BCL2L1: variants seen among roughly 807,000 people sequenced by gnomAD.
The protein encoded by BCL2L1 is BCL2 like 1, also known as bcl-2-like protein 1.
Under a neutral mutation model 18.7 loss-of-function variants are expected in BCL2L1, and 1 was observed. The ratio of observed to expected loss-of-function variants is 0.05; its 90% CI spans 0.02 to 0.25. The LOEUF is 0.25. Among genes scored for constraint, BCL2L1 ranks in the 10% least tolerant of loss-of-function variants. The pLI is 1.00. For synonymous variants in BCL2L1, 103 were observed against 122.7 expected, an observed-to-expected ratio of 0.84 and a Z score of 1.06; for missense variants, 207 against 304.9, an observed-to-expected ratio of 0.68 and a Z score of 2.39.
At chr20:31,715,071 G>A (rs542569819) in intron 2 of BCL2L1, among the ~76,000 whole-genome samples, 1 of 152,084 alleles carries the variant, frequency 6.6e-6, no homozygotes, top group South Asian at 2.1e-4. Flanking sequence ...TCAGGAGATC[G>A]AGACCATCCT....
intron 2 of BCL2L1, among the ~76,000 whole-genome samples, chr20:31,683,267 C>G (rs915561152): frequency 6.6e-6 from 1 of 152,230 alleles, no homozygotes; most frequent in Non-Finnish European, 1.5e-5. Context: ...CATTCCCACC[C>G]TTTGGCCTCT....
chr20:31,682,701 C>T (rs1218458334), intron 2 of BCL2L1, among the ~76,000 whole-genome samples: 2 of 152,138 alleles, frequency 1.3e-5, no homozygotes, highest in Non-Finnish European at 2.9e-5. Flanking sequence ...GCTATTCTCT[C>T]GCCTTGGCCC....
intron 2 of BCL2L1, among the ~76,000 whole-genome samples, chr20:31,668,550 G>A (rs932678512): frequency 2.1e-4 from 31 of 149,048 alleles, no homozygotes; most frequent in African/African-American, 3.5e-4. Context: ...CAAGTGATCC[G>A]CCCACGGCCT....
chr20:31,668,041 CTT>C (rs1600743450), intron 2 of BCL2L1, among the ~76,000 whole-genome samples: 1 of 152,120 alleles, frequency 6.6e-6, no homozygotes, highest in Admixed American at 6.6e-5. Flanking sequence ...GGCTCCAACA[CTT>C]TCTGGCCTCC....
At chr20:31,678,445 G>A (rs767809263) in intron 2 of BCL2L1, among the ~76,000 whole-genome samples, 3 of 152,158 alleles carry the variant, frequency 2.0e-5, no homozygotes, top group Admixed American at 2.0e-4. Context: ...AAAGGGCTCC[G>A]TCTAGGGCTA....
At chr20:31,694,972 C>T (rs2061143563) in intron 2 of BCL2L1, among the ~76,000 whole-genome samples, 1 of 152,160 alleles carries the variant, frequency 6.6e-6, no homozygotes, top group African/African-American at 2.4e-5. Context: ...CTCCACAGCC[C>T]TAGCAGGAAA....
intron 2 of BCL2L1, among the ~76,000 whole-genome samples, chr20:31,685,017 C>T (rs2060930420): frequency 6.6e-6 from 1 of 152,144 alleles, no homozygotes; most frequent in Non-Finnish European, 1.5e-5. Flanking sequence ...GGGGACCTCC[C>T]TAGATTTTAG....
intron 2 of BCL2L1, among the ~76,000 whole-genome samples, chr20:31,713,930 C>T (rs778058055): frequency 1.3e-5 from 2 of 152,228 alleles, no homozygotes; most frequent in Non-Finnish European, 2.9e-5. Context: ...CCTGATTTCT[C>T]TCCTTTGAAA....
At chr20:31,668,864 CA>C (rs2060626432) in intron 2 of BCL2L1, among the ~76,000 whole-genome samples, 1 of 151,590 alleles carries the variant, frequency 6.6e-6, no homozygotes, top group African/African-American at 2.4e-5. Flanking sequence ...CTCGGCCTCC[CA>C]AAGTGCTGGG....
chr20:31,688,722 TATTC>T (rs2061004492), intron 2 of BCL2L1, among the ~76,000 whole-genome samples: 1 of 152,190 alleles, frequency 6.6e-6, no homozygotes, highest in East Asian at 1.9e-4. Context: ...TATACAGGGC[TATTC>T]ATTGAGTGTC....
rs3073682 is a variant in BCL2L1 at position 31,667,484 on chromosome 20, C to CGTGTGTGT, written c.565-1406_565-1399dup. 9.3e-3 allele frequency among the ~76,000 whole-genome samples: 1,253 copies of CGTGTGTGT among 135,324 alleles called. 26 individuals carry two copies. The highest frequency in any genetic ancestry group is 0.036 in the African/African-American group (1,191 of 32,716). The allele number at this position is 135,324 out of a possible 152,430, so 88.8% of individuals were successfully genotyped here. A position where few individuals can be genotyped will look rare whatever the true frequency, so the allele number is the denominator to read the frequency against. ...AAAAAAAAAGGAAGTACCATAGTAC[C>CGTGTGTGT]GTGTGTGTGTGTGTGTGTGTGTGTG... On this transcript the variant is annotated intron_variant, in intron 2 of 2. Coordinates refer to ENST00000307677, the MANE Select transcript of BCL2L1 (RefSeq NM_138578.3).
At chr20:31,698,309 C>A (rs2061216584) in intron 2 of BCL2L1, among the ~76,000 whole-genome samples, 1 of 152,182 alleles carries the variant, frequency 6.6e-6, no homozygotes, top group African/African-American at 2.4e-5. Context: ...GAGATGTGTT[C>A]ATAGCTCACT....
intron 2 of BCL2L1, among the ~76,000 whole-genome samples, chr20:31,674,508 G>A (rs1389818916): frequency 6.6e-6 from 1 of 152,124 alleles, no homozygotes; most frequent in Admixed American, 6.6e-5. Flanking sequence ...TACTTCTGTG[G>A]CTGAGGAAGG....
intron 2 of BCL2L1, among the ~76,000 whole-genome samples, chr20:31,673,068 C>CTTTTTT (rs906594378): frequency 1.7e-5 from 2 of 118,266 alleles, no homozygotes; most frequent in Admixed American, 8.8e-5. Flanking sequence ...GGTGTCCTTG[C>CTTTTTT]TTTTTTTTTT....
Position 31,698,023 on chromosome 20 carries a change from G to C in BCL2L1, c.564+23632C>G, listed in dbSNP as rs142923026. Among the ~76,000 whole-genome samples the C allele has an allele frequency of 4.5e-4, 68 of 151,860 alleles. 1 individual carries two copies. Among genetic ancestry groups the C allele is most frequent in the Admixed American group, 5.2e-4 (8 of 15,246 alleles). On this transcript the variant is annotated intron_variant, in intron 2 of 2. Coordinates refer to ENST00000307677, the MANE Select transcript of BCL2L1 (RefSeq NM_138578.3). ...CTGCCTCAGCCTCCTGAGTAACTGG[G>C]ATGATAGGCACACGCCATCATGCCT...
chr20:31,665,895 A>G lies in BCL2L1; in HGVS notation c.*54T>C. The G allele has an allele frequency of 6.3e-7, 1 of 1,594,146 alleles. No homozygotes were observed. Among genetic ancestry groups the G allele is most frequent in the Non-Finnish European group, 8.6e-7 (1 of 1,168,320 alleles). On this transcript the variant is annotated 3_prime_UTR_variant, in exon 3 of 3. Coordinates refer to ENST00000307677, the MANE Select transcript of BCL2L1 (RefSeq NM_138578.3). ...GGTGGCAATGGCGGCTGGACGGAGG[A>G]TGTGGTGGAGCAGAGAAGGGGGTGG... is the stretch of plus-strand genomic sequence containing the variant.
At position 31,696,344 on chromosome 20, in the gene BCL2L1, G is replaced by A. The variant is rs17338790; in HGVS notation, c.564+25311C>T. ...ATGACCTTTGGTACCCCATGGCAGC[G>A]GTCAACGTCCTTCCCTATTATGAAA... On this transcript the variant is annotated intron_variant, in intron 2 of 2. Coordinates refer to ENST00000307677, the MANE Select transcript of BCL2L1 (RefSeq NM_138578.3). 8.0e-3 allele frequency among the ~76,000 whole-genome samples: 1,225 copies of A among 152,244 alleles called. 12 individuals are homozygous for A. Among genetic ancestry groups the A allele is most frequent in the East Asian group, 0.036 (187 of 5,180 alleles).
At chr20:31,723,698 C>G (rs1331195425), upstream of BCL2L1, 1 of 985,360 alleles carries the variant, frequency 1.0e-6, no homozygotes, top group Non-Finnish European at 1.2e-6. Flanking sequence ...CTATTGGGCG[C>G]AACGGCTGTC....
At chr20:31,698,695 C>T (rs1445151758) in intron 2 of BCL2L1, among the ~76,000 whole-genome samples, 1 of 152,106 alleles carries the variant, frequency 6.6e-6, no homozygotes, top group African/African-American at 2.4e-5. Flanking sequence ...CGAAACACCA[C>T]ACCCGGCTAA....
Sources: gnomAD v4.1 joint callset for allele counts (sites outside exome capture counted in the v4.1 genomes callset) on GRCh38, gnomAD v4.1.1 for gene constraint, MANE v1.5 for transcripts, NCBI Gene and HGNC (gene_info 2026-07-23, HGNC 2026-07-21) for gene names.